FCN2: variants seen among roughly 807,000 people sequenced by gnomAD.
FCN2 encodes ficolin-2.
In FCN2, 31 loss-of-function variants were observed where a neutral mutation model predicts 32.5. That is an observed-to-expected ratio of 0.96 (90% CI 0.72 to 1.29). The LOEUF (loss-of-function observed/expected upper bound fraction) is 1.29, where lower values mean the gene tolerates loss of function less well. FCN2 is among the 50% of genes most tolerant of loss of function. The pLI is 0.00. For synonymous variants in FCN2, 181 were observed against 164.5 expected (o/e 1.10, Z -0.77); for missense variants, 412 against 406.5 (o/e 1.01, Z -0.12).
chr9:134,870,781 A>G, the FCN2 span, among the ~76,000 whole-genome samples: 1 of 150,954 alleles, frequency 6.6e-6, no homozygotes, highest in African/African-American at 2.4e-5. The surrounding 1 kb of genome is among the most constrained non-coding windows in gnomAD (Gnocchi z 4.3). Flanking sequence ...GAGCCCCAGA[A>G]GAGGGAGAGG....
chr9:134,880,809 A>C, upstream of FCN2: 1 of 1,609,476 alleles, frequency 6.2e-7, no homozygotes, highest in South Asian at 1.1e-5. Context: ...TTTTGAAGCA[A>C]AGACCAGAAG....
upstream of FCN2, among the ~76,000 whole-genome samples, chr9:134,880,560 C>G (rs975878226): frequency 6.6e-6 from 1 of 152,248 alleles, no homozygotes; most frequent in Non-Finnish European, 1.5e-5. Flanking sequence ...GGCCTGGGCT[C>G]TTTGCCCAAG....
chr9:134,887,215 C>T lies in FCN2; in HGVS notation c.742C>T (p.Gln248Ter). 1.2e-6 allele frequency: 2 copies of T among 1,614,090 alleles called. No individual in the cohort carries two copies. Among genetic ancestry groups the T allele is most frequent in the Non-Finnish European group, 1.7e-6 (2 of 1,179,940 alleles). Residue 248 changes from glutamine (Q) to a stop codon, truncating the protein, a stop_gained, in exon 8 of 8, where the codon CAG becomes TAG. Transcript: ENST00000291744. LOFTEE classifies it low-confidence loss of function (END_TRUNC). ...CAACCAGTCCTTCTCCACCAAAGACCAGGACAATGATCTTAACACCGGAAA... is the reference window on the plus strand; with the variant it reads ...CAACCAGTCCTTCTCCACCAAAGACTAGGACAATGATCTTAACACCGGAAA... ...HNNQSFSTKD[Q>*]DNDLNTGNCA...
chr9:134,876,850 C>T (rs570235785), upstream of FCN2, among the ~76,000 whole-genome samples: 7 of 152,214 alleles, frequency 4.6e-5, no homozygotes, highest in African/African-American at 1.7e-4. Flanking sequence ...GCTGGGATTA[C>T]AGGCGTAAGC....
At chr9:134,879,913 T>A (rs1830640165), upstream of FCN2, among the ~76,000 whole-genome samples, 1 of 152,106 alleles carries the variant, frequency 6.6e-6, no homozygotes, top group Non-Finnish European at 1.5e-5. Context: ...GTATACGGCC[T>A]CTGGGGCCCC....
upstream of FCN2, among the ~76,000 whole-genome samples, chr9:134,877,569 T>C (rs1332776550): frequency 1.3e-5 from 2 of 152,228 alleles, no homozygotes; most frequent in African/African-American, 4.8e-5. Flanking sequence ...GTAGTAAATC[T>C]CTTCCATGAT....
chr9:134,886,493 G>A lies in FCN2; in HGVS notation c.623G>A (p.Arg208Lys), dbSNP rs774041840. The part of the protein sequence containing the change: ...FEDNYQFAKY[R>K]SFKVADEAEK... ...GACAACTACCAGTTTGCTAAGTACAGATCATTCAAGGTGGCCGACGAGGCG... is the reference window on the plus strand; with the variant it reads ...GACAACTACCAGTTTGCTAAGTACAAATCATTCAAGGTGGCCGACGAGGCG... The change falls in exon 7 of 8, where the codon AGA (arginine) becomes AAA (lysine). Residue 208 changes from arginine (R) to lysine (K), a missense_variant. Coordinates refer to ENST00000291744, the MANE Select transcript of FCN2 (RefSeq NM_004108.3). 2 of 1,614,194 alleles carry A rather than the reference G, an allele frequency of 1.2e-6. No individual in the cohort carries two copies. Among genetic ancestry groups the A allele is most frequent in the Non-Finnish European group, 1.7e-6 (2 of 1,180,026 alleles).
upstream of FCN2, among the ~76,000 whole-genome samples, chr9:134,879,151 A>T (rs1830630079): frequency 1.3e-5 from 2 of 152,260 alleles, no homozygotes; most frequent in Non-Finnish European, 2.9e-5. Flanking sequence ...GTGATTCAAT[A>T]GTTTATATGA....
In FCN2 at chr9:134,887,302, G is replaced by C; in HGVS notation, c.829G>C (p.Gly277Arg). 1 of 1,614,166 alleles carries C rather than the reference G, an allele frequency of 6.2e-7. No homozygotes were observed. The highest frequency in any genetic ancestry group is 1.1e-5 in the South Asian group (1 of 91,070). ...AAACTGCCATGTGTCAAACCTGAAT[G>C]GTCGCTACCTCAGGGGGACTCATGG... ...YKNCHVSNLNGRYLRGTHGSF... is the reference protein window; with the variant it reads ...YKNCHVSNLNRRYLRGTHGSF... Residue 277 changes from glycine to arginine, a missense_variant, in exon 8 of 8, where the codon GGT becomes CGT. Coordinates refer to ENST00000291744, the MANE Select transcript of FCN2 (RefSeq NM_004108.3).
rs1432919337 is a variant in FCN2, at chr9:134,885,721, G to A, written c.430-47G>A. The A allele has an allele frequency of 1.2e-6, 2 of 1,613,344 alleles. 1 individual carries two copies. Among genetic ancestry groups the A allele is most frequent in the South Asian group, 2.2e-5 (2 of 91,010 alleles). ...GGAGGGCGGGTCCCCCGTGCTGTGG[G>A]ACGTCGGCCTGGCCCCCCCGGCTCC... On this transcript the variant is annotated intron_variant, in intron 5 of 7. Coordinates refer to ENST00000291744, the MANE Select transcript of FCN2 (RefSeq NM_004108.3).
chr9:134,867,475 T>C, the FCN2 span, among the ~76,000 whole-genome samples: 50,036 of 119,172 alleles, frequency 0.42, 12,141 homozygotes, highest in African/African-American at 0.7. Flanking sequence ...GAACATCACA[T>C]TCTGGGGACT....
At chr9:134,883,980 G>C (rs939541341) in intron 3 of FCN2, among the ~76,000 whole-genome samples, 2 of 66,416 alleles carry the variant, frequency 3.0e-5, no homozygotes, top group Non-Finnish European at 6.8e-5. Context: ...TTGAGAGGGT[G>C]GGGGGGGATT....
intron 2 of FCN2, among the ~76,000 whole-genome samples, chr9:134,882,886 C>A (rs1830685541): frequency 6.6e-6 from 1 of 152,088 alleles, no homozygotes; most frequent in Admixed American, 6.5e-5. Context: ...TGATCCAATA[C>A]CAGCTTTGCT....
chr9:134,872,658 C>G, the FCN2 span, among the ~76,000 whole-genome samples: 1 of 152,054 alleles, frequency 6.6e-6, no homozygotes, highest in African/African-American at 2.4e-5. Flanking sequence ...GGGGAACTCC[C>G]CTTTATAAAA....
At position 134,880,893 on chromosome 9, in the gene FCN2, G is replaced by T; in HGVS notation, c.72G>T (p.Trp24Cys). The change falls in exon 1 of 8, where the codon TGG (tryptophan) becomes TGT (cysteine). Residue 24 changes from tryptophan (W) to cysteine (C), a missense_variant. By Grantham distance (215) the Trp-to-Cys change is radical. Transcript: ENST00000291744. Reference protein sequence around the residue: ...TLLLSFLGMAWALQAADTCPE... With the variant: ...TLLLSFLGMACALQAADTCPE... ...TGCTCTCTTTCCTGGGCATGGCCTG[G>T]GCTCTCCAGGCGGCAGACACCTGTC... 1 of 1,613,454 alleles carries T rather than the reference G, an allele frequency of 6.2e-7. No individual in the cohort carries two copies. The highest frequency in any genetic ancestry group is 8.5e-7 in the Non-Finnish European group (1 of 1,179,924).
rs372072935 is a variant in FCN2, at chr9:134,880,904, C to T, written c.83C>T (p.Ala28Val). ...SFLGMAWALQ[A>V]ADTCPEVKMV... ...CTGGGCATGGCCTGGGCTCTCCAGG[C>T]GGCAGACACCTGTCCAGGTAAGGGC... Residue 28 changes from alanine to valine, a missense_variant, in exon 1 of 8, where the codon GCG becomes GTG. Physicochemically the swap from Ala to Val is moderately conservative, Grantham distance 64. Transcript: ENST00000291744. 1.2e-4 allele frequency: 189 copies of T among 1,612,862 alleles called. No homozygotes were observed. The highest frequency in any genetic ancestry group is 6.9e-4 in the African/African-American group (52 of 75,032).
upstream of FCN2, among the ~76,000 whole-genome samples, chr9:134,880,437 G>A (rs1387981870): frequency 1.3e-5 from 2 of 152,184 alleles, no homozygotes; most frequent in South Asian, 2.1e-4. Context: ...CTAGGTATTC[G>A]GATAAGGGAG....
At position 134,887,347 on chromosome 9, in the gene FCN2, A is replaced by C. The variant is rs1830775406; in HGVS notation, c.874A>C (p.Asn292His). The C allele has an allele frequency of 6.2e-7, 1 of 1,614,072 alleles. No homozygotes were observed. Among genetic ancestry groups the C allele is most frequent in the African/African-American group, 1.3e-5 (1 of 74,932 alleles). The change falls in exon 8 of 8, where the codon AAC (asparagine) becomes CAC (histidine). Residue 292 changes from asparagine to histidine, a missense_variant. Transcript: ENST00000291744. ...TCATGGCAGCTTTGCAAATGGCATC[A>C]ACTGGAAGTCGGGGAAAGGATACAA... is the stretch of plus-strand genomic sequence containing the variant. ...GTHGSFANGI[N>H]WKSGKGYNYS... is the part of the protein sequence containing the mutation.
upstream of FCN2, among the ~76,000 whole-genome samples, chr9:134,877,349 A>G (rs1830612936): frequency 6.6e-6 from 1 of 152,188 alleles, no homozygotes; most frequent in Non-Finnish European, 1.5e-5. Flanking sequence ...GTTTTCATTC[A>G]ATTCAAAATT....
Sources: allele counts gnomAD v4.1 joint callset (sites outside exome capture counted in the v4.1 genomes callset), GRCh38; gene constraint gnomAD v4.1.1; non-coding constraint Gnocchi (gnomAD v3.1); transcripts MANE v1.5; gene names NCBI Gene and HGNC (gene_info 2026-07-23, HGNC 2026-07-21).